The following FBXW7 variants were observed in gnomAD, a reference collection of about 807,000 sequenced individuals.
The protein encoded by FBXW7 is F-box/WD repeat-containing protein 7.
FBXW7 carries 11 observed loss-of-function variants against 86.3 expected under a neutral mutation model. The observed-to-expected ratio is 0.13, with a 90% confidence interval of 0.08 to 0.21. The LOEUF is 0.21. FBXW7 is among the 10% of genes least tolerant of loss of function. The pLI is 1.00. For missense variants in FBXW7, 488 were observed against 847.4 expected (o/e 0.58, Z 5.27); for synonymous variants, 313 against 297.9 (o/e 1.05, Z -0.52).
chr4:152,518,344 A>G (rs1004371259), intron 2 of FBXW7, among the ~76,000 whole-genome samples: 2 of 152,126 alleles, frequency 1.3e-5, no homozygotes, highest in African/African-American at 4.8e-5. Context: ...CACCCAGGCT[A>G]AAGTATAGTG....
intron 2 of FBXW7, among the ~76,000 whole-genome samples, chr4:152,519,821 T>TA (rs1472370589): frequency 6.6e-6 from 1 of 152,192 alleles, no homozygotes; most frequent in Non-Finnish European, 1.5e-5. Flanking sequence ...CATGCATGAT[T>TA]AAAAGCATAG....
chr4:152,475,404 GCAACTGAGCAAGACCC>G (rs1230306345), intron 2 of FBXW7, among the ~76,000 whole-genome samples: 6 of 151,972 alleles, frequency 3.9e-5, no homozygotes, highest in Admixed American at 3.3e-4. Context: ...TCCAGCCTTC[GCAACTGAGCAAGACCC>G]CATCTCTAAA....
intron 2 of FBXW7, among the ~76,000 whole-genome samples, chr4:152,453,975 A>G (rs1742160953): frequency 6.6e-6 from 1 of 152,162 alleles, no homozygotes; most frequent in Non-Finnish European, 1.5e-5. Flanking sequence ...AGTAAATTCC[A>G]GACATCACGT....
chr4:152,371,938 TCTTTGTA>T (rs1734039323), intron 4 of FBXW7, among the ~76,000 whole-genome samples: 1 of 151,946 alleles, frequency 6.6e-6, no homozygotes, highest in South Asian at 2.1e-4. Context: ...GTCTTATTCA[TCTTTGTA>T]ACAGTAGCAA....
At chr4:152,464,633 G>A (rs1205021946) in intron 2 of FBXW7, among the ~76,000 whole-genome samples, 2 of 152,116 alleles carry the variant, frequency 1.3e-5, no homozygotes, top group Non-Finnish European at 2.9e-5. Flanking sequence ...CTCTAGCAAC[G>A]CTAGGCAGCA....
At chr4:152,442,128 T>C (rs1299413467) in intron 2 of FBXW7, among the ~76,000 whole-genome samples, 3 of 152,206 alleles carry the variant, frequency 2.0e-5, no homozygotes, top group South Asian at 4.1e-4. Context: ...AACTATCATA[T>C]AACTTCCCCT....
Position 152,359,899 on chromosome 4 carries a change from T to C in FBXW7, c.502-9775A>G, listed in dbSNP as rs1441912213. Among the ~76,000 whole-genome samples the C allele has an allele frequency of 3.3e-5, 5 of 152,246 alleles. No individual in the cohort carries two copies. The East Asian group carries it at 7.7e-4, about 24-fold the overall frequency. ...ATAGTCTGGGAGTTCATAAATGACATGGTCTTGCTTCTGTGTTTAAAAAAC... is the reference window on the plus strand; with the variant it reads ...ATAGTCTGGGAGTTCATAAATGACACGGTCTTGCTTCTGTGTTTAAAAAAC... On this transcript the variant is annotated intron_variant, in intron 4 of 13. Transcript: ENST00000281708.
intron 4 of FBXW7, among the ~76,000 whole-genome samples, chr4:152,367,124 C>T (rs1038644403): frequency 2.6e-5 from 4 of 151,790 alleles, no homozygotes; most frequent in Admixed American, 6.6e-5. Flanking sequence ...TGGGGCCTGT[C>T]GTGGGGTTGA....
rs879691092 is a variant in FBXW7, at chr4:152,535,823, G to GGGCTCCGGCTCT, written c.-921_-910dup. On this transcript the variant is annotated 5_prime_UTR_variant, in exon 1 of 14. Transcript: ENST00000281708. ...AAGCCGCCGGCTCCGGCTCAGGCTC[G>GGGCTCCGGCTCT]GGCTCCGGCTCTGGCTCCGGCTCCG... 71 of 392,488 alleles carry GGGCTCCGGCTCT rather than the reference G, an allele frequency of 1.8e-4. No individual in the cohort carries two copies. The highest frequency in any genetic ancestry group is 8.1e-4 in the Admixed American group (18 of 22,286). 24.3% of individuals were successfully genotyped at this position (392,488 alleles called of 1,614,324 possible). A position where few individuals can be genotyped will look rare whatever the true frequency, so the allele number is the denominator to read the frequency against.
At chr4:152,494,249 T>C (rs1746111232) in intron 2 of FBXW7, among the ~76,000 whole-genome samples, 1 of 152,110 alleles carries the variant, frequency 6.6e-6, no homozygotes, top group Non-Finnish European at 1.5e-5. Context: ...AAAGAAAATA[T>C]AGAAAAGATA....
intron 2 of FBXW7, among the ~76,000 whole-genome samples, chr4:152,440,971 C>T (rs554627010): frequency 4.6e-5 from 7 of 151,620 alleles, no homozygotes; most frequent in African/African-American, 1.7e-4. Context: ...AGCGTCATGT[C>T]TCTTCTATGT....
rs370809396 is a variant in FBXW7, at chr4:152,392,943, T to C, written c.501+18360A>G. Reference sequence around the variant, plus strand: ...GGCTTGAATTTACATCTAAAGTCATTTGATGTTATGACCAAGAAAGGAAAA... The same window carrying C: ...GGCTTGAATTTACATCTAAAGTCATCTGATGTTATGACCAAGAAAGGAAAA... On this transcript the variant is annotated intron_variant, in intron 4 of 13. Coordinates refer to ENST00000281708, the MANE Select transcript of FBXW7 (RefSeq NM_001349798.2). Among the ~76,000 whole-genome samples the C allele has an allele frequency of 1.6e-4, 24 of 152,312 alleles. No individual in the cohort carries two copies. The South Asian group carries it at 5.0e-3, about 32-fold the overall frequency.
At chr4:152,467,731 A>G (rs1387028717) in intron 2 of FBXW7, among the ~76,000 whole-genome samples, 1 of 152,248 alleles carries the variant, frequency 6.6e-6, no homozygotes, top group Non-Finnish European at 1.5e-5. Flanking sequence ...AAACTTTGTC[A>G]TAGACCCAGG....
intron 2 of FBXW7, among the ~76,000 whole-genome samples, chr4:152,469,896 C>T (rs1368186082): frequency 6.6e-6 from 1 of 152,034 alleles, no homozygotes; most frequent in Admixed American, 6.5e-5. Context: ...TATGTGTAAA[C>T]TTAAGTAACA....
chr4:152,471,597 G>A (rs1010725725), intron 2 of FBXW7, among the ~76,000 whole-genome samples: 2 of 151,596 alleles, frequency 1.3e-5, no homozygotes, highest in Non-Finnish European at 2.9e-5. Flanking sequence ...GGGAAAGAGA[G>A]AAAGAAGGAA....
chr4:152,364,222 G>C (rs1733253614), intron 4 of FBXW7, among the ~76,000 whole-genome samples: 1 of 152,098 alleles, frequency 6.6e-6, no homozygotes, highest in East Asian at 1.9e-4. Flanking sequence ...TGGGCATACT[G>C]GAAGAAACAC....
intron 4 of FBXW7, among the ~76,000 whole-genome samples, chr4:152,395,149 T>TACA (rs1736311246): frequency 6.6e-6 from 1 of 152,050 alleles, no homozygotes; most frequent in Non-Finnish European, 1.5e-5. Context: ...CACCAGTGTT[T>TACA]TGCAAACTTC....
intron 2 of FBXW7, among the ~76,000 whole-genome samples, chr4:152,515,682 A>G (rs1252568678): frequency 2.0e-5 from 3 of 152,226 alleles, no homozygotes; most frequent in Non-Finnish European, 4.4e-5. Context: ...AAAGAACACA[A>G]ACACAACAGT....
chr4:152,449,771 A>C (rs1741740310), intron 2 of FBXW7, among the ~76,000 whole-genome samples: 1 of 152,240 alleles, frequency 6.6e-6, no homozygotes, highest in Non-Finnish European at 1.5e-5. Flanking sequence ...TACCTTTGCC[A>C]ATAATGCACA....
Sources: allele counts gnomAD v4.1 joint callset (sites outside exome capture counted in the v4.1 genomes callset), GRCh38; gene constraint gnomAD v4.1.1; transcripts MANE v1.5; gene names NCBI Gene and HGNC (gene_info 2026-07-23, HGNC 2026-07-21).